ARHGAP12: variants seen among roughly 807,000 people sequenced by gnomAD.
ARHGAP12 encodes the protein Rho GTPase activating protein 12, also known as rho GTPase-activating protein 12.
A neutral mutation model predicts 108.6 loss-of-function variants in ARHGAP12; 64 were observed. The observed-to-expected ratio is 0.59, with a 90% CI of 0.48 to 0.73. The LOEUF is 0.73. ARHGAP12 is among the 30% of genes least tolerant of loss of function. ARHGAP12 has a pLI of 0.00. For missense variants in ARHGAP12, 940 were observed against 1,005.9 expected (o/e 0.93, Z 0.89); for synonymous variants, 312 against 337.2 (o/e 0.93, Z 0.82).
rs765922202 is a variant in ARHGAP12, at chr10:31,873,828, A to G, written c.685-12170T>C. 6.3e-4 allele frequency among the ~76,000 whole-genome samples: 96 copies of G among 152,200 alleles called. 1 individual carries two copies. The highest frequency in any genetic ancestry group is 1.6e-3 in the Admixed American group (24 of 15,284). On this transcript the variant is annotated intron_variant, in intron 3 of 19. Transcript: ENST00000344936. ...ATTTGTGTTAAAAGTATTCATCCAGATATGTTTGTCCTTGTTGGTCAGTAA... is the reference window on the plus strand; with the variant it reads ...ATTTGTGTTAAAAGTATTCATCCAGGTATGTTTGTCCTTGTTGGTCAGTAA...
intron 3 of ARHGAP12, among the ~76,000 whole-genome samples, chr10:31,903,397 T>G (rs896238728): frequency 6.6e-6 from 1 of 152,228 alleles, no homozygotes; most frequent in South Asian, 2.1e-4. Context: ...AATGTCATTA[T>G]GCGGTGCATG....
intron 3 of ARHGAP12, among the ~76,000 whole-genome samples, chr10:31,871,157 G>A (rs1309226721): frequency 6.6e-6 from 1 of 152,102 alleles, no homozygotes; most frequent in Admixed American, 6.5e-5. Flanking sequence ...GAAAATAGGC[G>A]CAAGTCAAGA....
At chr10:31,917,826 C>CA (rs755655103) in intron 1 of ARHGAP12, among the ~76,000 whole-genome samples, 9 of 152,084 alleles carry the variant, frequency 5.9e-5, no homozygotes, top group Non-Finnish European at 1.3e-4. Flanking sequence ...ATTGGGATAT[C>CA]AAGAGTCATG....
At chr10:31,913,643 A>G in intron 1 of ARHGAP12, 1 of 157,106 alleles carries the variant, frequency 6.4e-6, no homozygotes, top group Non-Finnish European at 1.4e-5. Flanking sequence ...GCAAAAAAAA[A>G]AAAACACGAG....
At chr10:31,895,599 C>T (rs1838648850) in intron 3 of ARHGAP12, among the ~76,000 whole-genome samples, 1 of 152,158 alleles carries the variant, frequency 6.6e-6, no homozygotes, top group Non-Finnish European at 1.5e-5. Context: ...ACAACAGGTG[C>T]TGGAGAGGAT....
chr10:31,837,579 A>G (rs1387867740), intron 9 of ARHGAP12, among the ~76,000 whole-genome samples: 1 of 152,122 alleles, frequency 6.6e-6, no homozygotes, highest in Non-Finnish European at 1.5e-5. Context: ...ATCTTGATGG[A>G]GGTATAGGAT....
At position 31,911,219 on chromosome 10, in the gene ARHGAP12, T is replaced by G. The variant is rs557385421; in HGVS notation, c.-110-656A>C. On this transcript the variant is annotated intron_variant, in intron 1 of 19. Transcript: ENST00000344936. ...TTGCATTTTTATTAGAGATGGGGTT[T>G]TGCCATGTTGGCCAGGCTGGTCTCG... is the stretch of plus-strand genomic sequence containing the variant. Among the ~76,000 whole-genome samples the G allele has an allele frequency of 2.0e-5, 3 of 152,204 alleles. No individual in the cohort carries two copies. In the South Asian group the frequency reaches 6.2e-4, roughly 32 times the overall value.
At chr10:31,853,204 C>G (rs779041039) in intron 5 of ARHGAP12, among the ~76,000 whole-genome samples, 34 of 152,172 alleles carry the variant, frequency 2.2e-4, no homozygotes, top group Non-Finnish European at 4.9e-4. Context: ...TACATATGCA[C>G]TGGAACACAG....
intron 13 of ARHGAP12, among the ~76,000 whole-genome samples, chr10:31,815,122 A>C (rs1347315741): frequency 5.2e-5 from 2 of 38,738 alleles, no homozygotes; most frequent in African/African-American, 9.2e-5. Flanking sequence ...CTCTGTCTCA[A>C]AAAAAAAAAA....
At chr10:31,831,689 A>T in intron 10 of ARHGAP12, 50 bp downstream of exon 10, 3 of 1,266,656 alleles carry the variant, frequency 2.4e-6, no homozygotes, top group Non-Finnish European at 3.3e-6. Context: ...GAGAATTTTT[A>T]ATTTATTTCA....
At chr10:31,920,031 G>A (rs1460328616) in intron 1 of ARHGAP12, among the ~76,000 whole-genome samples, 1 of 151,212 alleles carries the variant, frequency 6.6e-6, no homozygotes, top group Non-Finnish European at 1.5e-5. Context: ...GCTTGAACCT[G>A]GGAGGCGGAG....
intron 10 of ARHGAP12, among the ~76,000 whole-genome samples, chr10:31,829,185 T>G (rs1021571298): frequency 4.0e-5 from 6 of 150,050 alleles, no homozygotes; most frequent in African/African-American, 1.5e-4. Context: ...CAACAAAACT[T>G]TCAACATGAA....
At chr10:31,856,950 A>C (rs74707184) in intron 4 of ARHGAP12, among the ~76,000 whole-genome samples, 170 of 152,334 alleles carry the variant, frequency 1.1e-3, no homozygotes, top group African/African-American at 3.8e-3. Flanking sequence ...CAACTGAGAA[A>C]CAATGAATAT....
chr10:31,853,261 A>G (rs1275989835), intron 5 of ARHGAP12, among the ~76,000 whole-genome samples: 1 of 152,166 alleles, frequency 6.6e-6, no homozygotes, highest in African/African-American at 2.4e-5. Flanking sequence ...ACAAAAGAGA[A>G]ATGTTTTTCA....
rs185258790 is a variant in ARHGAP12 at position 31,876,464 on chromosome 10, G to A, written c.685-14806C>T. Among the ~76,000 whole-genome samples the A allele has an allele frequency of 3.3e-5, 5 of 151,150 alleles. No homozygotes were observed. In the East Asian group the frequency reaches 9.7e-4, roughly 29 times the overall value. ...GGCAGATGTTCCAGTGAGCCAAAAC[G>A]GCACCACTGCACTCCAGGCTGACAA... On this transcript the variant is annotated intron_variant, in intron 3 of 19. Coordinates refer to ENST00000344936, the MANE Select transcript of ARHGAP12 (RefSeq NM_018287.7).
intron 3 of ARHGAP12, among the ~76,000 whole-genome samples, chr10:31,891,346 G>C (rs539391208): frequency 2.0e-5 from 3 of 152,274 alleles, no homozygotes; most frequent in East Asian, 1.9e-4. Context: ...ATGAAGCTTA[G>C]TTAGGCTGGA....
At chr10:31,826,706 T>C (rs1211088109) in intron 10 of ARHGAP12, 1 of 217,250 alleles carries the variant, frequency 4.6e-6, no homozygotes, top group Admixed American at 5.8e-5. Flanking sequence ...TATTTTAAAG[T>C]CACACAAGTG....
rs1312580891 is a variant in ARHGAP12 at position 31,908,647 on chromosome 10, T to C, written c.209A>G (p.Lys70Arg). The C allele has an allele frequency of 1.2e-6, 2 of 1,614,070 alleles. No individual in the cohort carries two copies. Among genetic ancestry groups the C allele is most frequent in the African/African-American group, 1.3e-5 (1 of 74,940 alleles). ...KAFYVPAQYVKEVTRKALMPP... is the reference protein window; with the variant it reads ...KAFYVPAQYVREVTRKALMPP... ...CATGAGAGCTTTGCGCGTGACCTCC[T>C]TCACATACTGGGCTGGCACATAAAA... The change falls in exon 3 of 20, where the codon AAG (lysine) becomes AGG (arginine). Residue 70 changes from lysine (K) to arginine (R), a missense_variant. Coordinates refer to ENST00000344936, the MANE Select transcript of ARHGAP12 (RefSeq NM_018287.7).
chr10:31,856,939 A>G (rs1836907927), intron 4 of ARHGAP12, among the ~76,000 whole-genome samples: 1 of 152,236 alleles, frequency 6.6e-6, no homozygotes, highest in South Asian at 2.1e-4. Flanking sequence ...ATATTACTTG[A>G]CAACTGAGAA....
Sources: gnomAD v4.1 joint callset for allele counts (sites outside exome capture counted in the v4.1 genomes callset) on GRCh38, gnomAD v4.1.1 for gene constraint, MANE v1.5 for transcripts, NCBI Gene and HGNC (gene_info 2026-07-23, HGNC 2026-07-21) for gene names.